The following HEATR4 variants were observed in gnomAD, a reference collection of about 807,000 sequenced individuals.
HEATR4 encodes the protein HEAT repeat containing 4.
Under a neutral mutation model 108.8 loss-of-function variants are expected in HEATR4, and 95 were observed. That is an observed-to-expected ratio of 0.87 (90% CI 0.74 to 1.04). The LOEUF (loss-of-function observed/expected upper bound fraction) is 1.04, where lower values mean the gene tolerates loss of function less well. Among genes scored for constraint, HEATR4 ranks in the 50% least tolerant of loss-of-function variants. The probability of loss-of-function intolerance (pLI) is 0.00; values close to 1 mark genes in which losing one functional copy is unlikely to be tolerated. For missense variants in HEATR4, 1,152 were observed against 1,253.8 expected, an observed-to-expected ratio of 0.92 and a Z score of 1.23; for synonymous variants, 443 against 459.4, an observed-to-expected ratio of 0.96 and a Z score of 0.46.
At chr14:73,511,884 C>CT (rs1288525587) in intron 7 of HEATR4, 122 bp downstream of exon 7, 1 of 1,194,256 alleles carries the variant, frequency 8.4e-7, no homozygotes, top group African/African-American at 1.5e-5. Flanking sequence ...AGGCCAGTCT[C>CT]TAAGTCTTGG....
rs1234802168 is a variant in HEATR4 at position 73,542,177 on chromosome 14, T to C, written c.-151-11933A>G. Among the ~76,000 whole-genome samples the C allele has an allele frequency of 2.0e-5, 2 of 101,166 alleles. 1 individual carries two copies. Among genetic ancestry groups the C allele is most frequent in the Non-Finnish European group, 4.2e-5 (2 of 47,326 alleles). The allele number at this position is 101,166 out of a possible 152,430, so 66.4% of individuals were successfully genotyped here. A position where few individuals can be genotyped will look rare whatever the true frequency, so the allele number is the denominator to read the frequency against. On this transcript the variant is annotated intron_variant, in intron 1 of 17. Coordinates refer to ENST00000553558, the MANE Select transcript of HEATR4 (RefSeq NM_001220484.1). ...GCCTAATTTTTGTATTTTTTTTTTT[T>C]AGTAGAGATGGGGTTTCGCCATGTT...
chr14:73,580,380 T>C, the HEATR4 span, among the ~76,000 whole-genome samples: 55 of 152,188 alleles, frequency 3.6e-4, no homozygotes, highest in African/African-American at 1.3e-3. Context: ...CTGTAATCAG[T>C]AGAACGGTGC....
At chr14:73,491,970 A>G in intron 17 of HEATR4, 2 of 1,613,958 alleles carry the variant, frequency 1.2e-6, no homozygotes, top group Non-Finnish European at 8.5e-7. Flanking sequence ...CTTCAAGAGC[A>G]GTTTGGAAGC....
chr14:73,532,676 C>T lies in HEATR4; in HGVS notation c.-151-2432G>A, dbSNP rs1199771280. 6.1e-5 allele frequency among the ~76,000 whole-genome samples: 7 copies of T among 115,182 alleles called. 3 individuals carry two copies. The highest frequency in any genetic ancestry group is 5.7e-5 in the Non-Finnish European group (3 of 52,808). 75.6% of individuals were successfully genotyped at this position (115,182 alleles called of 152,430 possible). A position where few individuals can be genotyped will look rare whatever the true frequency, so the allele number is the denominator to read the frequency against. On this transcript the variant is annotated intron_variant, in intron 1 of 17. Transcript: ENST00000553558. ...TTGGTATGAAAAGTAAAGACTAGGC[C>T]GGGTGCAGTGGCTCACGCTCATAAT...
In HEATR4 at chr14:73,534,605, T is replaced by G. The variant is rs1469123374; in HGVS notation, c.-151-4361A>C. ...TCGGGAGGCTGAGGTGGGAGAACTG[T>G]CTAAGCCTGGGAGGTTGAGGCTGCA... On this transcript the variant is annotated intron_variant, in intron 1 of 17. Coordinates refer to ENST00000553558, the MANE Select transcript of HEATR4 (RefSeq NM_001220484.1). Among the ~76,000 whole-genome samples, 8 of 107,318 alleles carry G rather than the reference T, an allele frequency of 7.5e-5. 1 individual carries two copies. The highest frequency in any genetic ancestry group is 2.1e-4 in the African/African-American group (7 of 32,712). The allele number at this position is 107,318 out of a possible 152,430, so 70.4% of individuals were successfully genotyped here.
At chr14:73,491,391 C>T (rs1392656601) in intron 17 of HEATR4, 2 of 1,351,522 alleles carry the variant, frequency 1.5e-6, no homozygotes, top group Non-Finnish European at 1.9e-6. Flanking sequence ...CTGGTGCCCG[C>T]TTCCGCGCCG....
At position 73,509,866 on chromosome 14, in the gene HEATR4, A is replaced by ATTTATATATT. The variant is rs1566832350; in HGVS notation, c.1559-394_1559-393insAATATATAAA. Among the ~76,000 whole-genome samples, 55 of 67,512 alleles carry ATTTATATATT rather than the reference A, an allele frequency of 8.1e-4. 2 individuals carry two copies. Among genetic ancestry groups the ATTTATATATT allele is most frequent in the African/African-American group, 3.3e-3 (53 of 15,960 alleles). The allele number at this position is 67,512 out of a possible 152,430, so 44.3% of individuals were successfully genotyped here. A position where few individuals can be genotyped will look rare whatever the true frequency, so the allele number is the denominator to read the frequency against. On this transcript the variant is annotated intron_variant, in intron 7 of 17. Transcript: ENST00000553558. ...TATATATATATATATATATATATAT[A>ATTTATATATT]TATTTATTTATTTTATATATTTTTT...
the HEATR4 span, among the ~76,000 whole-genome samples, chr14:73,586,915 G>A: frequency 6.6e-6 from 1 of 151,980 alleles, no homozygotes; most frequent in Non-Finnish European, 1.5e-5. Context: ...CTGTTGCCCA[G>A]GTTGGTTTCA....
At chr14:73,560,392 T>A (rs1234301954), upstream of HEATR4, among the ~76,000 whole-genome samples, 1 of 152,068 alleles carries the variant, frequency 6.6e-6, no homozygotes, top group Non-Finnish European at 1.5e-5. Flanking sequence ...AGCCAGGCGC[T>A]GTGGCTCACG....
Position 73,499,581 on chromosome 14 carries a change from G to A in HEATR4, c.2287-441C>T, listed in dbSNP as rs576558242. ...AATTGAAAAATGACCTATCAATTCT[G>A]GTGACAAATGAGCTGGAGCCTAAAG... On this transcript the variant is annotated intron_variant, in intron 12 of 17. Coordinates refer to ENST00000553558, the MANE Select transcript of HEATR4 (RefSeq NM_001220484.1). 5.3e-5 allele frequency among the ~76,000 whole-genome samples: 8 copies of A among 152,224 alleles called. No homozygotes were observed. The South Asian group carries it at 1.2e-3, about 24-fold the overall frequency.
chr14:73,495,321 T>C lies in HEATR4; in HGVS notation c.2692A>G (p.Lys898Glu). The change falls in exon 16 of 18, where the codon AAA becomes GAA. Residue 898 changes from lysine (K) to glutamate (E), a missense_variant. Coordinates refer to ENST00000553558, the MANE Select transcript of HEATR4 (RefSeq NM_001220484.1). ...KILKLEMVMG[K>E]VREEAKRVYL... ...ACACGTTTTGCTTCCTCCCTCACTT[T>C]TCCCATGACCATCTCCAGCTTGAGT... The C allele has an allele frequency of 1.9e-6, 3 of 1,614,056 alleles. No individual in the cohort carries two copies. In the South Asian group the frequency reaches 3.3e-5, roughly 18 times the overall value.
intron 1 of HEATR4, chr14:73,536,986 G>T (rs114373737): frequency 1.2e-4 from 9 of 77,480 alleles, no homozygotes; most frequent in Non-Finnish European, 2.4e-4. Context: ...GGTTGTTGTT[G>T]TTTTTTTTTT....
chr14:73,491,568 C>T, intron 17 of HEATR4: 1 of 1,541,242 alleles, frequency 6.5e-7, no homozygotes, highest in East Asian at 2.5e-5. Context: ...TGGGACTCCC[C>T]GCTGCGGCGC....
the HEATR4 span, among the ~76,000 whole-genome samples, chr14:73,624,346 C>G: frequency 6.6e-6 from 1 of 152,034 alleles, no homozygotes; most frequent in African/African-American, 2.4e-5. Context: ...CCAGGCTGGT[C>G]TCAAACTCCT....
the HEATR4 span, among the ~76,000 whole-genome samples, chr14:73,572,936 G>A: frequency 2.9e-4 from 44 of 150,398 alleles, no homozygotes; most frequent in Middle Eastern, 3.4e-3. Context: ...GTGAGCCACC[G>A]GACCCAGCCT....
chr14:73,590,037 T>C, the HEATR4 span, among the ~76,000 whole-genome samples: 3 of 152,282 alleles, frequency 2.0e-5, no homozygotes, highest in South Asian at 2.1e-4. Context: ...GCCCAAAAAC[T>C]GAGCTACCTT....
the HEATR4 span, among the ~76,000 whole-genome samples, chr14:73,577,493 C>A: frequency 7.2e-6 from 1 of 139,430 alleles, no homozygotes; most frequent in Non-Finnish European, 1.5e-5. Context: ...GCTGGCCTGG[C>A]CAAGTCCCAC....
chr14:73,529,377 A>AT (rs398025658), intron 2 of HEATR4, among the ~76,000 whole-genome samples: 3 of 136,994 alleles, frequency 2.2e-5, no homozygotes, highest in Non-Finnish European at 3.3e-5. Context: ...AAAAAAAAAA[A>AT]TTAAGTCAAT....
chr14:73,633,073 C>T, the HEATR4 span, among the ~76,000 whole-genome samples: 1 of 141,942 alleles, frequency 7.0e-6, no homozygotes, highest in Non-Finnish European at 1.5e-5. Context: ...GGCACAATAT[C>T]GGCTCACTGC....
Sources: allele counts gnomAD v4.1 joint callset (sites outside exome capture counted in the v4.1 genomes callset), GRCh38; gene constraint gnomAD v4.1.1; transcripts MANE v1.5; gene names NCBI Gene and HGNC (gene_info 2026-07-23, HGNC 2026-07-21).